The following UBXN4 variants were observed in gnomAD, a reference collection of about 807,000 sequenced individuals.
UBXN4 encodes UBX domain-containing protein 4.
A neutral mutation model predicts 66.2 loss-of-function variants in UBXN4; 35 were observed. The ratio of observed to expected loss-of-function variants is 0.53; its 90% CI spans 0.40 to 0.70. The LOEUF (loss-of-function observed/expected upper bound fraction) is 0.70, where lower values mean the gene tolerates loss of function less well. Among genes scored for constraint, UBXN4 ranks in the 30% least tolerant of loss-of-function variants. The probability of loss-of-function intolerance (pLI) is 0.00; values close to 1 mark genes in which losing one functional copy is unlikely to be tolerated. For synonymous variants in UBXN4, 203 were observed against 204.5 expected (o/e 0.99, Z 0.06); for missense variants, 533 against 599.8 (o/e 0.89, Z 1.16).
intron 2 of UBXN4, among the ~76,000 whole-genome samples, chr2:135,749,768 C>T (rs1028456766): frequency 6.6e-6 from 1 of 152,178 alleles, no homozygotes; most frequent in Non-Finnish European, 1.5e-5. Context: ...TACTTTATTG[C>T]AGTTTTTTAG....
In UBXN4 at chr2:135,754,211, C is replaced by T; in HGVS notation, c.267C>T (p.Pro89=). The change falls in exon 4 of 13, where the codon CCC becomes CCT. Residue 89 remains proline (P), a synonymous_variant. Coordinates refer to ENST00000272638, the MANE Select transcript of UBXN4 (RefSeq NM_014607.4). ...TCTTTATTGGAGACAGTGGAATTCC[C>T]TTGGAAGTAATAGCAGGAAGTGTTT... is the stretch of plus-strand genomic sequence containing the variant. ...SSFFIGDSGI[P]LEVIAGSVSA... is the part of the protein sequence containing the mutation. 4 of 1,614,098 alleles carry T rather than the reference C, an allele frequency of 2.5e-6. No homozygotes were observed. Among genetic ancestry groups the T allele is most frequent in the Non-Finnish European group, 3.4e-6 (4 of 1,179,994 alleles).
chr2:135,782,818 A>G lies in UBXN4; in HGVS notation c.1458A>G (p.Arg486=). The change falls in exon 13 of 13, where the codon AGA becomes AGG. Residue 486 remains arginine, a synonymous_variant. Coordinates refer to ENST00000272638, the MANE Select transcript of UBXN4 (RefSeq NM_014607.4). ...TTAAAAAGGAGGGGAAAATTTATAGATTAAGGACTCAAGATGATGGTGAAG... is the reference window on the plus strand; with the variant it reads ...TTAAAAAGGAGGGGAAAATTTATAGGTTAAGGACTCAAGATGATGGTGAAG... The part of the protein sequence containing the change: ...DDFKKEGKIY[R]LRTQDDGEDE... 1 of 1,614,054 alleles carries G rather than the reference A, an allele frequency of 6.2e-7. No individual in the cohort carries two copies. Among genetic ancestry groups the G allele is most frequent in the South Asian group, 1.1e-5 (1 of 91,068 alleles).
Position 135,741,989 on chromosome 2 carries a change from G to C in UBXN4, c.60G>C (p.Ala20=). 6.2e-7 allele frequency: 1 copy of C among 1,613,406 alleles called. No individual in the cohort carries two copies. Among genetic ancestry groups the C allele is most frequent in the Non-Finnish European group, 8.5e-7 (1 of 1,179,696 alleles). ...TCGCGACGGCCAAAAGGAGCGGCGC[G>C]GTCTTCGTGGTGTTCGTGGCAGGTG... ...AAIATAKRSG[A]VFVVFVAGDD... Residue 20 remains alanine (A), a synonymous_variant, in exon 1 of 13, where the codon GCG becomes GCC. Transcript: ENST00000272638.
rs940051381 is a variant in UBXN4, at chr2:135,751,323, A to T, written c.186-2216A>T. Among the ~76,000 whole-genome samples, 4 of 151,596 alleles carry T rather than the reference A, an allele frequency of 2.6e-5. No homozygotes were observed. In the Middle Eastern group the frequency reaches 0.01, roughly 389 times the overall value. ...TGCCTCAGCCTCCCAAGTAGCTGGG[A>T]CTATAGGCGCCCACCACCATGCCTG... is the stretch of plus-strand genomic sequence containing the variant. On this transcript the variant is annotated intron_variant, in intron 2 of 12. Coordinates refer to ENST00000272638, the MANE Select transcript of UBXN4 (RefSeq NM_014607.4).
chr2:135,766,153 C>CAA (rs111265108), intron 6 of UBXN4, among the ~76,000 whole-genome samples: 3 of 121,304 alleles, frequency 2.5e-5, no homozygotes, highest in Non-Finnish European at 1.8e-5. Flanking sequence ...AAAGCCATCT[C>CAA]AAAAAAAAAA....
At chr2:135,753,380 A>G (rs1342845144) in intron 2 of UBXN4, among the ~76,000 whole-genome samples, 159 bp from the exon 3 acceptor site, 1 of 152,252 alleles carries the variant, frequency 6.6e-6, no homozygotes, top group African/African-American at 2.4e-5. Context: ...TCTTAATGAA[A>G]TAAGAATTAT....
At chr2:135,773,037 CAAAAA>C (rs78669415) in intron 9 of UBXN4, among the ~76,000 whole-genome samples, 2 of 80,022 alleles carry the variant, frequency 2.5e-5, no homozygotes, top group South Asian at 4.9e-4. Flanking sequence ...ACTCCGTCCC[CAAAAA>C]AAAAAAAAAA....
intron 1 of UBXN4, among the ~76,000 whole-genome samples, chr2:135,747,465 G>A (rs1395314033): frequency 6.6e-6 from 1 of 151,714 alleles, no homozygotes; most frequent in Non-Finnish European, 1.5e-5. Flanking sequence ...TTAGTTATAG[G>A]TTAGCATACC....
At chr2:135,750,732 T>A (rs2077235689) in intron 2 of UBXN4, among the ~76,000 whole-genome samples, 1 of 151,804 alleles carries the variant, frequency 6.6e-6, no homozygotes, top group East Asian at 1.9e-4. Flanking sequence ...TGAAGCACCT[T>A]TGAGAGTTGG....
At chr2:135,747,370 A>AAAAAAT (rs1201516091) in intron 1 of UBXN4, among the ~76,000 whole-genome samples, 4 of 144,952 alleles carry the variant, frequency 2.8e-5, no homozygotes, top group African/African-American at 1.0e-4. Flanking sequence ...AAAAAAAAAA[A>AAAAAAT]AAGATACAGA....
chr2:135,742,212 C>T (rs578108731), intron 1 of UBXN4, among the ~76,000 whole-genome samples: 1 of 152,180 alleles, frequency 6.6e-6, no homozygotes, highest in Non-Finnish European at 1.5e-5. Flanking sequence ...AGACCCTCAG[C>T]GCCCTGCTCC....
chr2:135,752,895 A>G (rs937529517), intron 2 of UBXN4, among the ~76,000 whole-genome samples: 4 of 151,462 alleles, frequency 2.6e-5, no homozygotes, highest in Admixed American at 6.6e-5. Context: ...TAATTTTTGC[A>G]TTTTTAGTAG....
rs78711669 is a variant in UBXN4 at position 135,783,406 on chromosome 2, A to G, written c.*519A>G. 3.2e-4 allele frequency: 48 copies of G among 152,332 alleles called. No individual in the cohort carries two copies. The highest frequency in any genetic ancestry group is 1.1e-3 in the African/African-American group (47 of 41,550). 9.4% of individuals were successfully genotyped at this position (152,332 alleles called of 1,614,324 possible). ...ACTGAATAAAAAAACTTTCCCCTAA[A>G]TTGGAATGATCTTAGTTTTGCTTTG... is the stretch of plus-strand genomic sequence containing the variant. On this transcript the variant is annotated 3_prime_UTR_variant, in exon 13 of 13. Coordinates refer to ENST00000272638, the MANE Select transcript of UBXN4 (RefSeq NM_014607.4).
At chr2:135,771,570 A>T (rs1435121540) in intron 8 of UBXN4, among the ~76,000 whole-genome samples, 1 of 152,042 alleles carries the variant, frequency 6.6e-6, no homozygotes, top group Non-Finnish European at 1.5e-5. Flanking sequence ...TTTATTATTT[A>T]TTTATTTTTG....
chr2:135,752,152 G>A (rs2077246562), intron 2 of UBXN4, among the ~76,000 whole-genome samples: 1 of 151,954 alleles, frequency 6.6e-6, no homozygotes, highest in Non-Finnish European at 1.5e-5. Flanking sequence ...GGTTCATGCA[G>A]TTCTCCTGTG....
At chr2:135,748,570 AAAT>A (rs1407364710) in intron 2 of UBXN4, among the ~76,000 whole-genome samples, 1 of 151,260 alleles carries the variant, frequency 6.6e-6, no homozygotes, top group Non-Finnish European at 1.5e-5. Flanking sequence ...TCTCTATAAA[AAAT>A]AATAATAAAA....
chr2:135,771,044 T>C (rs2077379930), intron 8 of UBXN4, among the ~76,000 whole-genome samples: 1 of 152,012 alleles, frequency 6.6e-6, no homozygotes, highest in Non-Finnish European at 1.5e-5. Flanking sequence ...AAGTACCTAC[T>C]AGTAGTAACT....
chr2:135,770,204 C>T (rs995764692), intron 7 of UBXN4, among the ~76,000 whole-genome samples: 17 of 152,136 alleles, frequency 1.1e-4, no homozygotes, highest in African/African-American at 3.9e-4. Context: ...GTTCATTTTT[C>T]TCACCATGTA....
intron 8 of UBXN4, among the ~76,000 whole-genome samples, chr2:135,771,482 AAAAG>A (rs368810149): frequency 1.7e-3 from 254 of 152,302 alleles, no homozygotes; most frequent in Middle Eastern, 6.8e-3. Context: ...CATCTCAAAA[AAAAG>A]AAAGAAAGAA....
Sources: allele counts gnomAD v4.1 joint callset (sites outside exome capture counted in the v4.1 genomes callset), GRCh38; gene constraint gnomAD v4.1.1; transcripts MANE v1.5; gene names NCBI Gene and HGNC (gene_info 2026-07-23, HGNC 2026-07-21).